Variants in SRRM4 observed in about 807,000 individuals in gnomAD.
SRRM4 encodes serine/arginine repetitive matrix protein 4.
Under a neutral mutation model 68.9 loss-of-function variants are expected in SRRM4, and 33 were observed. That is an observed-to-expected ratio of 0.48 (90% CI 0.36 to 0.64). SRRM4 has a LOEUF of 0.64. Ranked by LOEUF, SRRM4 falls within the 30% of genes least tolerant of loss-of-function variation. SRRM4 has a pLI of 0.00. For missense variants in SRRM4, 817 were observed against 827.1 expected, an observed-to-expected ratio of 0.99 and a Z score of 0.15; for synonymous variants, 318 against 318.8, an observed-to-expected ratio of 1.00 and a Z score of 0.03.
intron 3 of SRRM4, among the ~76,000 whole-genome samples, chr12:119,115,152 G>A (rs1055222992): frequency 2.0e-5 from 3 of 151,982 alleles, no homozygotes; most frequent in Admixed American, 6.6e-5. Context: ...AGGATCTACA[G>A]GGGCTTGACG....
chr12:119,080,930 A>G (rs530929043), intron 1 of SRRM4, among the ~76,000 whole-genome samples: 3 of 152,366 alleles, frequency 2.0e-5, no homozygotes, highest in Non-Finnish European at 2.9e-5. Flanking sequence ...CATTCTGAGC[A>G]CACAAGCCCC....
chr12:119,035,132 C>T (rs1254697173), intron 1 of SRRM4, among the ~76,000 whole-genome samples: 1 of 152,014 alleles, frequency 6.6e-6, no homozygotes, highest in Non-Finnish European at 1.5e-5. Context: ...AAAATTAACC[C>T]TTGCATTTAA....
intron 2 of SRRM4, among the ~76,000 whole-genome samples, chr12:119,112,099 C>A (rs1954148363): frequency 6.6e-6 from 1 of 151,942 alleles, no homozygotes; most frequent in African/African-American, 2.4e-5. Flanking sequence ...TTTACACAAG[C>A]ATCCTGTTTG....
intron 1 of SRRM4, among the ~76,000 whole-genome samples, chr12:119,046,732 T>C (rs4331170): frequency 0.6 from 90,992 of 151,912 alleles, 28,353 homozygotes; most frequent in Middle Eastern, 0.74. Flanking sequence ...CTGAAACATC[T>C]TGAACACTGA....
intron 1 of SRRM4, among the ~76,000 whole-genome samples, chr12:119,079,437 G>T (rs537088423): frequency 6.6e-6 from 1 of 152,200 alleles, no homozygotes; most frequent in Admixed American, 6.5e-5. Context: ...GGGAGACAGA[G>T]AGACCAATTA....
chr12:119,125,334 A>ACT lies in SRRM4; in HGVS notation c.516-37_516-36dup, dbSNP rs749932964. On this transcript the variant is annotated intron_variant, in intron 6 of 12. Coordinates refer to ENST00000267260, the MANE Select transcript of SRRM4 (RefSeq NM_194286.4). ...TCAAATCTCTCACTCTCCCTTTTTT[A>ACT]CTCTCTCTCTCCTCTCCTCTGACTC... is the stretch of plus-strand genomic sequence containing the variant. 5.2e-5 allele frequency: 78 copies of ACT among 1,511,888 alleles called. No individual in the cohort carries two copies. The East Asian group carries it at 1.6e-3, about 31-fold the overall frequency. 93.7% of individuals were successfully genotyped at this position (1,511,888 alleles called of 1,614,324 possible).
At chr12:119,107,146 C>A (rs1264971909) in intron 2 of SRRM4, among the ~76,000 whole-genome samples, 1 of 152,160 alleles carries the variant, frequency 6.6e-6, no homozygotes, top group Admixed American at 6.5e-5. Context: ...AGCCTTGCAT[C>A]CCAGGGATGA....
intron 8 of SRRM4, among the ~76,000 whole-genome samples, chr12:119,138,134 C>A (rs946284279): frequency 6.6e-6 from 1 of 152,086 alleles, no homozygotes; most frequent in African/African-American, 2.4e-5. Context: ...TTGCTCTCAG[C>A]TGATTCTTGC....
chr12:119,147,533 A>T (rs2136066855), intron 9 of SRRM4, among the ~76,000 whole-genome samples: 1 of 152,358 alleles, frequency 6.6e-6, no homozygotes, highest in South Asian at 2.1e-4. Context: ...GAGGATGCTG[A>T]TAGTGGGGAA....
Position 119,156,677 on chromosome 12 carries a change from C to T in SRRM4, c.1715C>T (p.Ser572Phe), listed in dbSNP as rs1345866844. The change falls in exon 13 of 13, where the codon TCC becomes TTC. Residue 572 changes from serine to phenylalanine, a missense_variant. Coordinates refer to ENST00000267260, the MANE Select transcript of SRRM4 (RefSeq NM_194286.4). ...ACCCGCACGAGCAGCAGCTCTAGCT[C>T]CCGCAGCCCTAGTCCGGGCTCCCGC... ...SRTRTSSSSSSRSPSPGSRSR... is the reference protein window; with the variant it reads ...SRTRTSSSSSFRSPSPGSRSR... 6.4e-7 allele frequency: 1 copy of T among 1,559,922 alleles called. No individual in the cohort carries two copies. The highest frequency in any genetic ancestry group is 2.4e-5 in the East Asian group (1 of 41,522).
intron 4 of SRRM4, among the ~76,000 whole-genome samples, chr12:119,119,291 C>T (rs59629859): frequency 0.038 from 5,812 of 151,290 alleles, 120 homozygotes; most frequent in African/African-American, 0.052. Flanking sequence ...TATTGAACAC[C>T]CATTATGTAT....
Position 119,019,960 on chromosome 12 carries a change from C to CA in SRRM4, c.131+37947_131+37948insA, listed in dbSNP as rs1315325031. ...ACAGTTCCCCCCGCTCCCCCCCCCC[C>CA]CAAAAAAAAATCACACACATGCAAC... On this transcript the variant is annotated intron_variant, in intron 1 of 12. Transcript: ENST00000267260. Among the ~76,000 whole-genome samples, 52 of 78,054 alleles carry CA rather than the reference C, an allele frequency of 6.7e-4. 1 individual carries two copies. The highest frequency in any genetic ancestry group is 1.4e-3 in the South Asian group (3 of 2,214). 51.2% of individuals were successfully genotyped at this position (78,054 alleles called of 152,430 possible).
chr12:119,018,978 A>T (rs1953497942), intron 1 of SRRM4, among the ~76,000 whole-genome samples: 1 of 152,190 alleles, frequency 6.6e-6, no homozygotes, highest in Admixed American at 6.5e-5. Flanking sequence ...TCTCAAACTT[A>T]ATGAAGCTCA....
At chr12:119,058,637 G>C (rs921168670) in intron 1 of SRRM4, among the ~76,000 whole-genome samples, 3 of 152,188 alleles carry the variant, frequency 2.0e-5, no homozygotes, top group South Asian at 4.2e-4. Flanking sequence ...AAAATGACAC[G>C]AGCATTCCTT....
At chr12:119,126,367 C>T (rs1954260195) in intron 7 of SRRM4, among the ~76,000 whole-genome samples, 1 of 152,102 alleles carries the variant, frequency 6.6e-6, no homozygotes, top group African/African-American at 2.4e-5. Flanking sequence ...CTCTCTACAA[C>T]CGTAACAAGT....
intron 1 of SRRM4, among the ~76,000 whole-genome samples, chr12:119,072,640 C>T (rs562504861): frequency 2.6e-5 from 4 of 152,172 alleles, no homozygotes; most frequent in Non-Finnish European, 5.9e-5. Flanking sequence ...ACAGAGACGT[C>T]GGACACCACC....
At position 119,162,684 on chromosome 12, in the gene SRRM4, C is replaced by G. The variant is rs930425536; in HGVS notation, c.*5886C>G. ...CCCAATTCTTAGCTATTTCCTCAAG[C>G]AATGATTGGCCAAGGACCTAGCATA... On this transcript the variant is annotated 3_prime_UTR_variant, in exon 13 of 13. Coordinates refer to ENST00000267260, the MANE Select transcript of SRRM4 (RefSeq NM_194286.4). 1 of 152,146 alleles carries G rather than the reference C, an allele frequency of 6.6e-6. No homozygotes were observed. Among genetic ancestry groups the G allele is most frequent in the East Asian group, 1.9e-4 (1 of 5,184 alleles). 9.4% of individuals were successfully genotyped at this position (152,146 alleles called of 1,614,324 possible).
At chr12:119,151,575 C>A (rs1280299539) in intron 10 of SRRM4, among the ~76,000 whole-genome samples, 2 of 152,184 alleles carry the variant, frequency 1.3e-5, no homozygotes, top group Non-Finnish European at 2.9e-5. Context: ...TATCCCCAAA[C>A]TTAGCATCTT....
chr12:119,085,758 A>C (rs1432225001), intron 1 of SRRM4, among the ~76,000 whole-genome samples: 3 of 152,122 alleles, frequency 2.0e-5, no homozygotes, highest in Non-Finnish European at 1.5e-5. Flanking sequence ...AGGCTGCTGC[A>C]GTTGTCTGGG....
Sources: gnomAD v4.1 joint callset for allele counts (sites outside exome capture counted in the v4.1 genomes callset) on GRCh38, gnomAD v4.1.1 for gene constraint, MANE v1.5 for transcripts, NCBI Gene and HGNC (gene_info 2026-07-23, HGNC 2026-07-21) for gene names.